PTH2R: variants seen among roughly 807,000 people sequenced by gnomAD.
PTH2R encodes PTH2 receptor.
In PTH2R, 59 loss-of-function variants were observed where a neutral mutation model predicts 60.3. That is an observed-to-expected ratio of 0.98 (90% confidence interval 0.79 to 1.22). The LOEUF (loss-of-function observed/expected upper bound fraction) is 1.22, where lower values mean the gene tolerates loss of function less well. Among genes scored for constraint, PTH2R ranks in the 50% most tolerant of loss-of-function variants. The probability of loss-of-function intolerance (pLI) is 0.00; values close to 1 mark genes in which losing one functional copy is unlikely to be tolerated. For missense variants in PTH2R, 749 were observed against 682.6 expected (o/e 1.10, Z -1.08); for synonymous variants, 256 against 243.8 (o/e 1.05, Z -0.47).
intron 1 of PTH2R, among the ~76,000 whole-genome samples, chr2:208,407,399 G>A (rs1701439531): frequency 6.6e-6 from 1 of 152,168 alleles, no homozygotes; most frequent in South Asian, 2.1e-4. Flanking sequence ...GCGGAGTCGT[G>A]GATCAAGAGT....
intron 1 of PTH2R, among the ~76,000 whole-genome samples, chr2:208,396,200 T>TA (rs1345936257): frequency 6.6e-6 from 1 of 152,080 alleles, no homozygotes; most frequent in Non-Finnish European, 1.5e-5. Flanking sequence ...CCTAAAACCA[T>TA]AAAAACCCTA....
At chr2:208,436,464 A>C (rs1323363367) in intron 2 of PTH2R, among the ~76,000 whole-genome samples, 2 of 152,220 alleles carry the variant, frequency 1.3e-5, no homozygotes, top group Admixed American at 6.5e-5. Context: ...AACTTGTCTG[A>C]GTCCAGTGAG....
intron 1 of PTH2R, among the ~76,000 whole-genome samples, chr2:208,397,772 A>G (rs1701239507): frequency 6.6e-6 from 1 of 151,924 alleles, no homozygotes; most frequent in Admixed American, 6.6e-5. Context: ...GGGCACCATG[A>G]TGTTCTACAC....
intron 9 of PTH2R, among the ~76,000 whole-genome samples, chr2:208,465,723 T>C (rs774422848): frequency 2.0e-5 from 3 of 152,040 alleles, no homozygotes; most frequent in Non-Finnish European, 4.4e-5. Context: ...TTTAAAAAAA[T>C]ATTTTAATGC....
intron 4 of PTH2R, among the ~76,000 whole-genome samples, chr2:208,440,502 G>A (rs746492933): frequency 1.4e-4 from 22 of 152,184 alleles, no homozygotes; most frequent in South Asian, 4.2e-4. Flanking sequence ...GTAGGCAGTC[G>A]CAACAATAAG....
chr2:208,401,091 G>T (rs1185261683), intron 1 of PTH2R, among the ~76,000 whole-genome samples: 1 of 152,162 alleles, frequency 6.6e-6, no homozygotes, highest in Non-Finnish European at 1.5e-5. Flanking sequence ...TATACAATAG[G>T]ATTATGCCAT....
intron 1 of PTH2R, among the ~76,000 whole-genome samples, chr2:208,395,223 A>G (rs573694604): frequency 4.0e-5 from 6 of 151,594 alleles, no homozygotes; most frequent in Non-Finnish European, 8.8e-5. Flanking sequence ...AATTTTTTGT[A>G]TTTTTAGTAG....
chr2:208,423,409 T>C (rs796607496), intron 1 of PTH2R, among the ~76,000 whole-genome samples: 5 of 152,344 alleles, frequency 3.3e-5, no homozygotes, highest in African/African-American at 9.6e-5. Context: ...TTTTTGTTAT[T>C]GATTTCCAGT....
At chr2:208,475,356 G>A (rs1304265318) in intron 9 of PTH2R, among the ~76,000 whole-genome samples, 1 of 151,900 alleles carries the variant, frequency 6.6e-6, no homozygotes, top group Non-Finnish European at 1.5e-5. Context: ...TTACAGAATA[G>A]GAGTAATAAA....
chr2:208,453,092 C>G (rs929989026), intron 8 of PTH2R, among the ~76,000 whole-genome samples: 2 of 152,188 alleles, frequency 1.3e-5, no homozygotes, highest in Non-Finnish European at 2.9e-5. Context: ...ATACACTAGA[C>G]AGTTTTTCTC....
intron 7 of PTH2R, 56 bp from the exon 8 acceptor site, chr2:208,450,693 A>G: frequency 6.4e-7 from 1 of 1,568,266 alleles, no homozygotes; most frequent in Non-Finnish European, 8.8e-7. Context: ...AATTTGAGGA[A>G]AAAACCTCCT....
chr2:208,362,816 A>G (rs1700503174), intron 1 of PTH2R, among the ~76,000 whole-genome samples: 1 of 145,274 alleles, frequency 6.9e-6, no homozygotes, highest in South Asian at 2.3e-4. Context: ...CAATTTCTCT[A>G]CATCCATACC....
intron 10 of PTH2R, among the ~76,000 whole-genome samples, chr2:208,486,464 G>C (rs1462429505): frequency 6.6e-6 from 1 of 152,170 alleles, no homozygotes; most frequent in East Asian, 1.9e-4. Flanking sequence ...TGCTACACTG[G>C]TGTATTTTTT....
chr2:208,490,043 T>A (rs2105912525), intron 11 of PTH2R, among the ~76,000 whole-genome samples: 1 of 152,300 alleles, frequency 6.6e-6, no homozygotes, highest in East Asian at 1.9e-4. Context: ...TTACTCTTTT[T>A]AAAATCACTC....
chr2:208,452,457 C>A (rs1005597618), intron 8 of PTH2R, among the ~76,000 whole-genome samples: 1 of 152,108 alleles, frequency 6.6e-6, no homozygotes, highest in Non-Finnish European at 1.5e-5. Flanking sequence ...CATTAGAAAG[C>A]CAAACTCATC....
chr2:208,388,316 C>A (rs1314989854), intron 1 of PTH2R, among the ~76,000 whole-genome samples: 1 of 151,778 alleles, frequency 6.6e-6, no homozygotes, highest in Non-Finnish European at 1.5e-5. Context: ...GACTCCTTCT[C>A]AAAAACAAAA....
chr2:208,433,183 G>A (rs1702006778), intron 2 of PTH2R, among the ~76,000 whole-genome samples: 1 of 152,240 alleles, frequency 6.6e-6, no homozygotes, highest in African/African-American at 2.4e-5. Flanking sequence ...TTGTGAAGAT[G>A]TGGATGATGT....
rs759442739 is a variant in PTH2R at position 208,437,756 on chromosome 2, A to G, written c.290-4A>G. The G allele has an allele frequency of 1.9e-6, 3 of 1,612,106 alleles. No individual in the cohort carries two copies. Among genetic ancestry groups the G allele is most frequent in the South Asian group, 1.1e-5 (1 of 90,998 alleles). On this transcript the variant is annotated splice_polypyrimidine_tract_variant and splice_region_variant and intron_variant, in intron 3 of 12. Coordinates refer to ENST00000272847, the MANE Select transcript of PTH2R (RefSeq NM_005048.4). ...CGATCTCAGCATCTTTCATGTCTTTACAGGAGTTGCTTTCCGACACTGTAA... is the reference window on the plus strand; with the variant it reads ...CGATCTCAGCATCTTTCATGTCTTTGCAGGAGTTGCTTTCCGACACTGTAA...
chr2:208,404,831 C>A (rs1701372164), upstream of PTH2R, among the ~76,000 whole-genome samples: 1 of 152,078 alleles, frequency 6.6e-6, no homozygotes, highest in Non-Finnish European at 1.5e-5. Flanking sequence ...AGTGAGAAAG[C>A]CCTCAGGACT....
Sources: allele counts gnomAD v4.1 joint callset (sites outside exome capture counted in the v4.1 genomes callset), GRCh38; gene constraint gnomAD v4.1.1; transcripts MANE v1.5; gene names NCBI Gene and HGNC (gene_info 2026-07-23, HGNC 2026-07-21).